ZNF678: variants seen among roughly 807,000 people sequenced by gnomAD.
The protein encoded by ZNF678 is zinc finger protein 678, also known as hypothetical protein MGC42493.
In ZNF678, 5 loss-of-function variants were observed where a neutral mutation model predicts 3.0. The observed-to-expected ratio is 1.69, with a 90% CI of 0.88 to 3.56. The LOEUF (loss-of-function observed/expected upper bound fraction) is 3.56, where lower values mean the gene tolerates loss of function less well. Among genes scored for constraint, ZNF678 ranks in the 30% most tolerant of loss-of-function variants. The pLI, the probability that ZNF678 is intolerant of heterozygous loss-of-function variation, is 0.00. For missense variants in ZNF678, 593 were observed against 605.0 expected, an observed-to-expected ratio of 0.98 and a Z score of 0.21; for synonymous variants, 218 against 199.6, an observed-to-expected ratio of 1.09 and a Z score of -0.78.
intron 1 of ZNF678, among the ~76,000 whole-genome samples, chr1:227,631,208 C>T (rs528140928): frequency 1.3e-5 from 2 of 152,316 alleles, no homozygotes; most frequent in South Asian, 4.1e-4. Flanking sequence ...AGTCCTAGAG[C>T]ATCCTCTATG....
chr1:227,631,130 G>A (rs1658538283), intron 1 of ZNF678, among the ~76,000 whole-genome samples: 1 of 152,008 alleles, frequency 6.6e-6, no homozygotes, highest in Non-Finnish European at 1.5e-5. Context: ...TGCCTTGGAG[G>A]GAACGTTTCC....
At chr1:227,626,615 G>A (rs1327442805) in intron 1 of ZNF678, among the ~76,000 whole-genome samples, 7 of 152,132 alleles carry the variant, frequency 4.6e-5, no homozygotes, top group African/African-American at 9.7e-5. Flanking sequence ...ACAGCATTTC[G>A]TATGGGCTGA....
chr1:227,631,922 A>T lies in ZNF678; in HGVS notation c.-163-14622A>T, dbSNP rs115272811. ...CATTGCCCCCATTTGCCACTATAGGAGTATGCACCTCACTTTAGACCTAGT... is the reference window on the plus strand; with the variant it reads ...CATTGCCCCCATTTGCCACTATAGGTGTATGCACCTCACTTTAGACCTAGT... On this transcript the variant is annotated intron_variant, in intron 1 of 3. Coordinates refer to ENST00000343776, the MANE Select transcript of ZNF678 (RefSeq NM_001367909.1). Among the ~76,000 whole-genome samples, 868 of 152,332 alleles carry T rather than the reference A, an allele frequency of 5.7e-3. 8 individuals are homozygous for T. The highest frequency in any genetic ancestry group is 0.02 in the African/African-American group (834 of 41,582).
At chr1:227,601,479 C>CT (rs1035493707) in intron 1 of ZNF678, among the ~76,000 whole-genome samples, 76 of 142,762 alleles carry the variant, frequency 5.3e-4, no homozygotes, top group Non-Finnish European at 8.4e-4. Flanking sequence ...CTAGGTTTTT[C>CT]TTTTTTTTTT....
chr1:227,626,039 G>A (rs1658404519), intron 1 of ZNF678, among the ~76,000 whole-genome samples: 1 of 152,178 alleles, frequency 6.6e-6, no homozygotes, highest in South Asian at 2.1e-4. Context: ...CTGGGAAGCT[G>A]CATTCTCCCT....
At chr1:227,603,533 G>A (rs1250004889) in intron 1 of ZNF678, among the ~76,000 whole-genome samples, 1 of 152,106 alleles carries the variant, frequency 6.6e-6, no homozygotes, top group Admixed American at 6.5e-5. Flanking sequence ...TGACCCACTG[G>A]GCCCGACTCC....
chr1:227,672,517 G>A (rs547973574), intron 5 of ZNF678, among the ~76,000 whole-genome samples: 9 of 152,222 alleles, frequency 5.9e-5, no homozygotes, highest in East Asian at 5.8e-4. Flanking sequence ...GGAAACTCAG[G>A]TGGAGACTCC....
chr1:227,647,420 G>A (rs1658986560), intron 2 of ZNF678, among the ~76,000 whole-genome samples: 1 of 152,166 alleles, frequency 6.6e-6, no homozygotes, highest in African/African-American at 2.4e-5. Flanking sequence ...GCCAGCAAGA[G>A]TCATGTTATT....
intron 1 of ZNF678, among the ~76,000 whole-genome samples, chr1:227,565,594 A>G (rs928648767): frequency 1.3e-5 from 2 of 151,358 alleles, no homozygotes; most frequent in African/African-American, 4.9e-5. Context: ...CTCTTTAAAG[A>G]TTTGTTATCT....
At chr1:227,663,166 G>C (rs1161356336), downstream of ZNF678, among the ~76,000 whole-genome samples, 2 of 152,146 alleles carry the variant, frequency 1.3e-5, no homozygotes, top group Non-Finnish European at 2.9e-5. Context: ...TTGATGTCAG[G>C]TTCCTAGCCT....
chr1:227,563,791 C>T, intron 1 of ZNF678, 67 bp downstream of exon 1: 2 of 1,282,568 alleles, frequency 1.6e-6, no homozygotes, highest in Non-Finnish European at 1.0e-6. Flanking sequence ...CTAGAGTCCG[C>T]GGCCCGGAGT....
intron 1 of ZNF678, among the ~76,000 whole-genome samples, chr1:227,633,153 C>T (rs1658592291): frequency 6.6e-6 from 1 of 152,174 alleles, no homozygotes; most frequent in East Asian, 1.9e-4. Flanking sequence ...ATTGGTGGGC[C>T]TGGCATGGCG....
At chr1:227,651,627 C>T (rs1338834319) in intron 3 of ZNF678, among the ~76,000 whole-genome samples, 1 of 152,178 alleles carries the variant, frequency 6.6e-6, no homozygotes, top group Non-Finnish European at 1.5e-5. Flanking sequence ...GTAGCCAAGA[C>T]CAGCGTCCTC....
At chr1:227,668,735 T>G (rs1007898713) in intron 5 of ZNF678, among the ~76,000 whole-genome samples, 6 of 152,220 alleles carry the variant, frequency 3.9e-5, no homozygotes, top group Non-Finnish European at 8.8e-5. Flanking sequence ...GTTAAATTTT[T>G]TATATGATGA....
downstream of ZNF678, among the ~76,000 whole-genome samples, chr1:227,679,657 C>T (rs1046953056): frequency 1.3e-5 from 2 of 152,094 alleles, no homozygotes; most frequent in African/African-American, 4.8e-5. Flanking sequence ...AAATAAACCC[C>T]TTCCTTCTTT....
At position 227,656,029 on chromosome 1, in the gene ZNF678, AC is replaced by A. The variant is rs1659240222; in HGVS notation, c.*204del. The A allele has an allele frequency of 2.4e-6, 1 of 418,324 alleles. No individual in the cohort carries two copies. Among genetic ancestry groups the A allele is most frequent in the African/African-American group, 2.1e-5 (1 of 48,666 alleles). The allele number at this position is 418,324 out of a possible 1,614,324, so 25.9% of individuals were successfully genotyped here. On this transcript the variant is annotated 3_prime_UTR_variant, in exon 4 of 4. Transcript: ENST00000343776. ...AAACAGAATCTGTACTAGAGGAAAAACCCTTAAACAATTATTCAGACTTTAT... is the reference window on the plus strand; with the variant it reads ...AAACAGAATCTGTACTAGAGGAAAAACCTTAAACAATTATTCAGACTTTAT...
chr1:227,629,663 C>T (rs191798969), intron 1 of ZNF678, among the ~76,000 whole-genome samples: 66 of 152,372 alleles, frequency 4.3e-4, no homozygotes, highest in Non-Finnish European at 1.5e-5. Flanking sequence ...TGGGCCGGCG[C>T]TTGCCCCGGG....
intron 1 of ZNF678, among the ~76,000 whole-genome samples, chr1:227,622,175 A>C (rs1571893372): frequency 6.6e-6 from 1 of 152,218 alleles, no homozygotes; most frequent in African/African-American, 2.4e-5. Context: ...GAAGCGTGGT[A>C]CTTAGAGACT....
At chr1:227,599,371 G>A (rs967296844) in intron 1 of ZNF678, among the ~76,000 whole-genome samples, 2 of 152,182 alleles carry the variant, frequency 1.3e-5, no homozygotes, top group East Asian at 1.9e-4. Flanking sequence ...GGCCGAAGCA[G>A]GCCCACTGCA....
Sources: gnomAD v4.1 joint callset for allele counts (sites outside exome capture counted in the v4.1 genomes callset) on GRCh38, gnomAD v4.1.1 for gene constraint, MANE v1.5 for transcripts, NCBI Gene and HGNC (gene_info 2026-07-23, HGNC 2026-07-21) for gene names.